PITPNC1: variants seen among roughly 807,000 people sequenced by gnomAD.
PITPNC1 encodes the protein cytoplasmic phosphatidylinositol transfer protein 1.
In PITPNC1, 18 loss-of-function variants were observed where a neutral mutation model predicts 44.7. The observed-to-expected ratio is 0.40, with a 90% CI of 0.28 to 0.60. The LOEUF is 0.60. Among genes scored for constraint, PITPNC1 ranks in the 20% least tolerant of loss-of-function variants. PITPNC1 has a pLI of 0.39. For missense variants in PITPNC1, 290 were observed against 418.4 expected (o/e 0.69, Z 2.68); for synonymous variants, 141 against 149.6 (o/e 0.94, Z 0.42).
intron 1 of PITPNC1, among the ~76,000 whole-genome samples, chr17:67,393,246 C>CCAT (rs1306864620): frequency 6.6e-6 from 1 of 152,004 alleles, no homozygotes; most frequent in African/African-American, 2.4e-5. Context: ...TGTTGTCCAG[C>CCAT]CATCACCACC....
At chr17:67,482,271 G>C (rs979328441) in intron 1 of PITPNC1, among the ~76,000 whole-genome samples, 3 of 152,010 alleles carry the variant, frequency 2.0e-5, no homozygotes, top group African/African-American at 7.3e-5. Flanking sequence ...TTAAATATAT[G>C]GTTTTAAAGC....
intron 6 of PITPNC1, among the ~76,000 whole-genome samples, chr17:67,643,088 G>GTCAT (rs2042108104): frequency 1.3e-5 from 2 of 152,280 alleles, no homozygotes; most frequent in South Asian, 4.1e-4. Context: ...GGCATTGTGG[G>GTCAT]TCATTGAATC....
chr17:67,539,753 G>T (rs1234460842), intron 2 of PITPNC1, among the ~76,000 whole-genome samples: 1 of 152,098 alleles, frequency 6.6e-6, no homozygotes, highest in Non-Finnish European at 1.5e-5. Flanking sequence ...CAGGAGAATG[G>T]CGTGAACCCG....
At chr17:67,602,758 G>C (rs959870464) in intron 5 of PITPNC1, among the ~76,000 whole-genome samples, 1 of 152,038 alleles carries the variant, frequency 6.6e-6, no homozygotes, top group African/African-American at 2.4e-5. Context: ...TGGTTGGGGG[G>C]ATGGATCTTG....
chr17:67,379,253 C>G, intron 1 of PITPNC1: 1 of 985,668 alleles, frequency 1.0e-6, no homozygotes, highest in Non-Finnish European at 1.2e-6. Context: ...AATCTGGTGC[C>G]TCGAAACTAT....
chr17:67,634,059 A>G (rs1277638625), intron 6 of PITPNC1, among the ~76,000 whole-genome samples: 1 of 152,208 alleles, frequency 6.6e-6, no homozygotes, highest in Non-Finnish European at 1.5e-5. Flanking sequence ...TGTGCCCCCA[A>G]AGAACCTCCA....
At chr17:67,631,825 C>T (rs999806539) in intron 5 of PITPNC1, among the ~76,000 whole-genome samples, 1 of 150,126 alleles carries the variant, frequency 6.7e-6, no homozygotes, top group Non-Finnish European at 1.5e-5. Context: ...CAAAAATCAG[C>T]AGACTTCAGT....
chr17:67,632,161 A>G lies in PITPNC1; in HGVS notation c.385A>G (p.Lys129Glu). ...SNDTIFDNEA[K>E]DVEREVCFID... ...TTTTCAGATTTTCGACAATGAAGCC[A>G]AAGACGTGGAGAGAGAAGTTTGCTT... Residue 129 changes from lysine to glutamate, a missense_variant, in exon 6 of 9, where the codon AAA becomes GAA. Coordinates refer to ENST00000581322, the MANE Select transcript of PITPNC1 (RefSeq NM_012417.4). 4 of 1,612,082 alleles carry G rather than the reference A, an allele frequency of 2.5e-6. No homozygotes were observed. Among genetic ancestry groups the G allele is most frequent in the Non-Finnish European group, 3.4e-6 (4 of 1,178,204 alleles).
intron 8 of PITPNC1, among the ~76,000 whole-genome samples, chr17:67,680,615 A>T (rs2042685597): frequency 6.6e-6 from 1 of 152,064 alleles, no homozygotes; most frequent in Admixed American, 6.6e-5. Flanking sequence ...AAAAAAAAAA[A>T]AATCACAACT....
intron 1 of PITPNC1, among the ~76,000 whole-genome samples, chr17:67,486,856 A>G (rs2039784992): frequency 6.6e-6 from 1 of 151,972 alleles, no homozygotes; most frequent in African/African-American, 2.4e-5. Context: ...GACGTGGTGA[A>G]ACCCCATCTC....
chr17:67,495,052 G>A (rs11656055), intron 1 of PITPNC1, among the ~76,000 whole-genome samples: 1 of 38,566 alleles, frequency 2.6e-5, no homozygotes, highest in African/African-American at 1.0e-4. Context: ...TTTTTTTTTT[G>A]TTTTTTTTTT....
chr17:67,621,856 C>T (rs2706668), intron 5 of PITPNC1, among the ~76,000 whole-genome samples: 105,987 of 152,038 alleles, frequency 0.7, 37,113 homozygotes, highest in South Asian at 0.74. Flanking sequence ...GGCTCACACC[C>T]GTAATCCTAA....
intron 1 of PITPNC1, among the ~76,000 whole-genome samples, chr17:67,467,801 T>C (rs2039449923): frequency 6.6e-6 from 1 of 152,226 alleles, no homozygotes; most frequent in South Asian, 2.1e-4. Flanking sequence ...AGCCTGATCT[T>C]GTAGAAAGCC....
intron 1 of PITPNC1, among the ~76,000 whole-genome samples, chr17:67,382,559 A>G (rs2037978841): frequency 6.6e-6 from 1 of 152,144 alleles, no homozygotes; most frequent in African/African-American, 2.4e-5. Context: ...CTATAGAGAG[A>G]AAGTTGTCAT....
chr17:67,465,846 G>A (rs964662328), intron 1 of PITPNC1, among the ~76,000 whole-genome samples: 1 of 151,962 alleles, frequency 6.6e-6, no homozygotes, highest in African/African-American at 2.4e-5. Context: ...AGAAGTCAAG[G>A]GATTCTCATG....
At position 67,563,418 on chromosome 17, in the gene PITPNC1, C is replaced by T. The variant is rs1411151299; in HGVS notation, c.294+9801C>T. Among the ~76,000 whole-genome samples the T allele has an allele frequency of 2.0e-5, 3 of 152,214 alleles. No individual in the cohort carries two copies. In the East Asian group the frequency reaches 5.8e-4, roughly 29 times the overall value. ...AAGCCTATAAATACTTCATCAACCCCAAGCCAGCTCCTCAACTCTTCCATT... is the reference window on the plus strand; with the variant it reads ...AAGCCTATAAATACTTCATCAACCCTAAGCCAGCTCCTCAACTCTTCCATT... On this transcript the variant is annotated intron_variant, in intron 4 of 8. Transcript: ENST00000581322.
At position 67,676,980 on chromosome 17, in the gene PITPNC1, T is replaced by G. The variant is rs1172119626; in HGVS notation, c.682+1438T>G. Among the ~76,000 whole-genome samples, 2 of 152,178 alleles carry G rather than the reference T, an allele frequency of 1.3e-5. No individual in the cohort carries two copies. The highest frequency in any genetic ancestry group is 1.3e-4 in the Admixed American group (2 of 15,274). On this transcript the variant is annotated intron_variant, in intron 8 of 8. Transcript: ENST00000581322. The surrounding 1 kb of genome is among the most constrained non-coding windows in gnomAD (Gnocchi z 4.0). Reference sequence around the variant, plus strand: ...GCTCTCATACCGCAAAAGCACTGGCTTGCCACATTGTCATGTAGTCTCCCA... The same window carrying G: ...GCTCTCATACCGCAAAAGCACTGGCGTGCCACATTGTCATGTAGTCTCCCA...
At chr17:67,553,577 T>C (rs2040795858) in intron 3 of PITPNC1, 33 bp from the exon 4 acceptor site, 3 of 1,116,854 alleles carry the variant, frequency 2.7e-6, no homozygotes, top group Non-Finnish European at 3.8e-6. Context: ...CTTTTTTCTT[T>C]CCTCTCTTCT....
chr17:67,598,291 G>A (rs182781419), intron 5 of PITPNC1, among the ~76,000 whole-genome samples: 1 of 152,290 alleles, frequency 6.6e-6, no homozygotes, highest in Admixed American at 6.5e-5. Flanking sequence ...AAGACAGAGA[G>A]AGATTGGTGC....
Sources: allele counts gnomAD v4.1 joint callset (sites outside exome capture counted in the v4.1 genomes callset), GRCh38; gene constraint gnomAD v4.1.1; non-coding constraint Gnocchi (gnomAD v3.1); transcripts MANE v1.5; gene names NCBI Gene and HGNC (gene_info 2026-07-23, HGNC 2026-07-21).